The following ARHGAP5 variants were observed in gnomAD, a reference collection of about 807,000 sequenced individuals.
ARHGAP5 encodes the protein rho GTPase-activating protein 5.
In ARHGAP5, 23 loss-of-function variants were observed where a neutral mutation model predicts 116.6. The ratio of observed to expected loss-of-function variants is 0.20; its 90% CI spans 0.14 to 0.28. The LOEUF (loss-of-function observed/expected upper bound fraction) is 0.28, where lower values mean the gene tolerates loss of function less well. Among genes scored for constraint, ARHGAP5 ranks in the 10% least tolerant of loss-of-function variants. The pLI is 1.00. For missense variants in ARHGAP5, 1,405 were observed against 1,774.8 expected (o/e 0.79, Z 3.74); for synonymous variants, 574 against 602.0 (o/e 0.95, Z 0.68).
intron 1 of ARHGAP5, among the ~76,000 whole-genome samples, chr14:32,079,907 A>G (rs1049618584): frequency 2.6e-5 from 4 of 152,208 alleles, no homozygotes; most frequent in Admixed American, 1.3e-4. Context: ...CTGAAGAAGC[A>G]TTGTACAGTG....
chr14:32,139,562 C>A (rs936400178), intron 3 of ARHGAP5, among the ~76,000 whole-genome samples: 2 of 151,922 alleles, frequency 1.3e-5, no homozygotes, highest in African/African-American at 4.8e-5. Context: ...TGTCTACTTT[C>A]ATTTCTGATT....
chr14:32,147,092 A>G (rs548396646), intron 4 of ARHGAP5, among the ~76,000 whole-genome samples: 2 of 152,238 alleles, frequency 1.3e-5, no homozygotes, highest in South Asian at 2.1e-4. Flanking sequence ...TTAGGAGTAA[A>G]AAAAGCCGAA....
intron 2 of ARHGAP5, among the ~76,000 whole-genome samples, chr14:32,104,465 A>G (rs1181780348): frequency 2.0e-4 from 30 of 152,160 alleles, no homozygotes; most frequent in Non-Finnish European, 2.9e-5. Flanking sequence ...GTTAGCATAA[A>G]GGGTGTGAGA....
chr14:32,120,077 G>A (rs764823348), intron 3 of ARHGAP5, among the ~76,000 whole-genome samples: 9 of 151,960 alleles, frequency 5.9e-5, no homozygotes, highest in African/African-American at 1.4e-4. Flanking sequence ...AAGTGATTTC[G>A]ACCTGGAATT....
chr14:32,127,980 G>T (rs1353933773), intron 3 of ARHGAP5, among the ~76,000 whole-genome samples: 8 of 150,730 alleles, frequency 5.3e-5, no homozygotes, highest in Admixed American at 2.0e-4. Flanking sequence ...GTGGCGGCCG[G>T]GCAGAGGCGC....
intron 3 of ARHGAP5, among the ~76,000 whole-genome samples, chr14:32,136,347 AT>A (rs1880797237): frequency 6.6e-6 from 1 of 152,186 alleles, no homozygotes; most frequent in South Asian, 2.1e-4. Context: ...CATTCTGGGA[AT>A]TTCATGTTCT....
At position 32,141,261 on chromosome 14, in the gene ARHGAP5, A is replaced by C. The variant is rs527927269; in HGVS notation, c.3866-5002A>C. ...TGGATGCTGTTTTTCTCTTTTATCCATTCTACTAATCTCTGTCTTAATAGG... is the reference window on the plus strand; with the variant it reads ...TGGATGCTGTTTTTCTCTTTTATCCCTTCTACTAATCTCTGTCTTAATAGG... On this transcript the variant is annotated intron_variant, in intron 3 of 6. Transcript: ENST00000345122. Among the ~76,000 whole-genome samples, 233 of 152,202 alleles carry C rather than the reference A, an allele frequency of 1.5e-3. 1 individual carries two copies. Among genetic ancestry groups the C allele is most frequent in the African/African-American group, 5.2e-3 (216 of 41,536 alleles).
At chr14:32,143,202 A>AGTTGTT (rs140378018) in intron 3 of ARHGAP5, among the ~76,000 whole-genome samples, 19,306 of 145,204 alleles carry the variant, frequency 0.13, 1,405 homozygotes, top group East Asian at 0.27. Context: ...ACATTATTTT[A>AGTTGTT]GTTGTTGTTG....
At chr14:32,154,063 A>C (rs1341935771) in intron 6 of ARHGAP5, 1 of 152,858 alleles carries the variant, frequency 6.5e-6, no homozygotes, top group African/African-American at 2.4e-5. Context: ...GTAGTCAAAG[A>C]AGTTACATAT....
chr14:32,127,934 C>A (rs1303436446), intron 3 of ARHGAP5, among the ~76,000 whole-genome samples: 1 of 148,320 alleles, frequency 6.7e-6, no homozygotes, highest in Non-Finnish European at 1.5e-5. Flanking sequence ...GACGTGGTCA[C>A]GGCCGGGCAG....
chr14:32,127,339 G>A (rs992934131), intron 3 of ARHGAP5, among the ~76,000 whole-genome samples: 3 of 152,136 alleles, frequency 2.0e-5, no homozygotes, highest in African/African-American at 7.2e-5. Context: ...CAGTGTTTGT[G>A]TCCCTGGGTA....
intron 3 of ARHGAP5, among the ~76,000 whole-genome samples, chr14:32,123,898 A>ATAT (rs1369351265): frequency 6.6e-6 from 1 of 152,112 alleles, no homozygotes; most frequent in East Asian, 1.9e-4. Flanking sequence ...TGCCCCATTT[A>ATAT]TATTAAAAGA....
rs763371966 is a variant in ARHGAP5 at position 32,092,819 on chromosome 14, A to G, written c.2150A>G (p.Gln717Arg). The change falls in exon 2 of 7, where the codon CAA becomes CGA. Residue 717 changes from glutamine to arginine, a missense_variant. Physicochemically the swap from Gln to Arg is conservative, Grantham distance 43 (BLOSUM62 1). This residue lies in a region of ARHGAP5 where 944 missense variants were observed against 1,095.3 expected (regional missense o/e 0.86). Coordinates refer to ENST00000345122, the MANE Select transcript of ARHGAP5 (RefSeq NM_001030055.2). This position sits in a 1 kb window ranked among gnomAD's most constrained non-coding sequence, Gnocchi z 4.1. The stretch of plus-strand genomic sequence containing the variant: ...AAGAATCTACCAATTCTCAGGCACC[A>G]AGGGCAGCAGTTGGCAAACAAGTTG... ...ISKNLPILRH[Q>R]GQQLANKLQC... is the part of the protein sequence containing the mutation. 1.2e-6 allele frequency: 2 copies of G among 1,614,100 alleles called. No individual in the cohort carries two copies. Among genetic ancestry groups the G allele is most frequent in the Non-Finnish European group, 1.7e-6 (2 of 1,179,950 alleles).
rs1881928811 is a variant in ARHGAP5, at chr14:32,157,197, T to C, written c.*2249T>C. The stretch of plus-strand genomic sequence containing the variant: ...CCAGTAGGTTACAGTTATTGAAAAT[T>C]AAAGTACAGTTTAAAGCTCAGTCTG... On this transcript the variant is annotated 3_prime_UTR_variant, in exon 7 of 7. Coordinates refer to ENST00000345122, the MANE Select transcript of ARHGAP5 (RefSeq NM_001030055.2). 6.6e-6 allele frequency: 1 copy of C among 152,266 alleles called. No individual in the cohort carries two copies. The highest frequency in any genetic ancestry group is 2.1e-4 in the South Asian group (1 of 4,832). The allele number at this position is 152,266 out of a possible 1,614,324, so 9.4% of individuals were successfully genotyped here. A position where few individuals can be genotyped will look rare whatever the true frequency, so the allele number is the denominator to read the frequency against.
At chr14:32,099,478 C>T (rs1566664932) in intron 2 of ARHGAP5, among the ~76,000 whole-genome samples, 1 of 152,168 alleles carries the variant, frequency 6.6e-6, no homozygotes, top group African/African-American at 2.4e-5. Context: ...AAACAGTAGA[C>T]AGAAAGAATA....
intron 1 of ARHGAP5, among the ~76,000 whole-genome samples, chr14:32,078,051 A>G (rs1273110345): frequency 6.6e-6 from 1 of 151,022 alleles, no homozygotes; most frequent in Non-Finnish European, 1.5e-5. Flanking sequence ...TCCAGAGCCC[A>G]GAGTCCTATG....
Position 32,090,618 on chromosome 14 carries a change from T to G in ARHGAP5, c.-52T>G. 1.3e-5 allele frequency: 18 copies of G among 1,435,018 alleles called. No individual in the cohort carries two copies. The highest frequency in any genetic ancestry group is 2.3e-5 in the East Asian group (1 of 43,636). The allele number at this position is 1,435,018 out of a possible 1,614,324, so 88.9% of individuals were successfully genotyped here. A position where few individuals can be genotyped will look rare whatever the true frequency, so the allele number is the denominator to read the frequency against. Reference sequence around the variant, plus strand: ...TTTTGAGATGATTTTATTTTCAGAATGAGAAGCATATCTGGTTACCTTTAT... The same window carrying G: ...TTTTGAGATGATTTTATTTTCAGAAGGAGAAGCATATCTGGTTACCTTTAT... On this transcript the variant is annotated 5_prime_UTR_variant, in exon 2 of 7. The change abolishes an upstream ATG in the 5' untranslated region. Coordinates refer to ENST00000345122, the MANE Select transcript of ARHGAP5 (RefSeq NM_001030055.2).
chr14:32,087,258 G>A (rs982365969), intron 1 of ARHGAP5, among the ~76,000 whole-genome samples: 12 of 151,814 alleles, frequency 7.9e-5, no homozygotes, highest in African/African-American at 2.4e-4. Flanking sequence ...TTTTGATCTG[G>A]TTGTAAGGGG....
At chr14:32,104,621 A>G (rs538984196) in intron 2 of ARHGAP5, among the ~76,000 whole-genome samples, 60 of 152,320 alleles carry the variant, frequency 3.9e-4, no homozygotes, top group African/African-American at 1.3e-3. Flanking sequence ...GTGTTAAACT[A>G]TAATGTAATG....
Sources: gnomAD v4.1 joint callset for allele counts (sites outside exome capture counted in the v4.1 genomes callset) on GRCh38, gnomAD v4.1.1 for gene constraint, gnomAD v4.1.1 regional missense constraint, Gnocchi (gnomAD v3.1) non-coding constraint, MANE v1.5 for transcripts, NCBI Gene and HGNC (gene_info 2026-07-23, HGNC 2026-07-21) for gene names.